Variants in CHD5 observed in about 807,000 individuals in gnomAD.
CHD5 encodes ATP-dependent chromatin remodeler CHD5.
Under a neutral mutation model 230.3 loss-of-function variants are expected in CHD5, and 69 were observed. The ratio of observed to expected loss-of-function variants is 0.30; its 90% confidence interval spans 0.25 to 0.37. CHD5 has a LOEUF of 0.37. CHD5 is among the 10% of genes least tolerant of loss of function. The pLI, the probability that CHD5 is intolerant of heterozygous loss-of-function variation, is 1.00. For missense variants in CHD5, 1,827 were observed against 2,622.8 expected (o/e 0.70, Z 6.63); for synonymous variants, 1,064 against 1,065.9 (o/e 1.00, Z 0.03).
At chr1:6,115,531 C>T (rs1043043942) in intron 33 of CHD5, among the ~76,000 whole-genome samples, 21 of 152,158 alleles carry the variant, frequency 1.4e-4, no homozygotes, top group Non-Finnish European at 1.6e-4. Flanking sequence ...ATGCGAAGCA[C>T]GGGAGGGTTT....
chr1:6,158,046 C>T (rs1667107030), intron 3 of CHD5, among the ~76,000 whole-genome samples: 1 of 152,180 alleles, frequency 6.6e-6, no homozygotes, highest in African/African-American at 2.4e-5. Flanking sequence ...AATCTGTGAC[C>T]AGCCCAAACC....
At chr1:6,157,414 G>A (rs1159701884) in intron 3 of CHD5, among the ~76,000 whole-genome samples, 1 of 152,244 alleles carries the variant, frequency 6.6e-6, no homozygotes, top group Non-Finnish European at 1.5e-5. Context: ...CAGAGGCAGA[G>A]TGAATGATGC....
At position 6,128,029 on chromosome 1, in the gene CHD5, C is replaced by T. The variant is rs199614608; in HGVS notation, c.3903+17G>A. ...GGAGGGCGGGGCTGCGGATGGAGGGCGGGCCGGGGACCTTACCACGCCGTC... is the reference window on the plus strand; with the variant it reads ...GGAGGGCGGGGCTGCGGATGGAGGGTGGGCCGGGGACCTTACCACGCCGTC... On this transcript the variant is annotated intron_variant, in intron 25 of 41. Coordinates refer to ENST00000262450, the MANE Select transcript of CHD5 (RefSeq NM_015557.3). The surrounding 1 kb of genome is among the most constrained non-coding windows in gnomAD (Gnocchi z 7.8). 1,187 of 1,571,622 alleles carry T rather than the reference C, an allele frequency of 7.6e-4. 9 individuals carry two copies. The African/African-American group carries it at 0.015, about 19-fold the overall frequency.
chr1:6,143,627 T>C (rs1666864696), intron 13 of CHD5, among the ~76,000 whole-genome samples, 196 bp downstream of exon 13: 1 of 152,074 alleles, frequency 6.6e-6, no homozygotes, highest in Admixed American at 6.6e-5. Context: ...GAGAGTGGTG[T>C]GTAAGTAGCA....
At chr1:6,124,924 A>G (rs1666530245) in intron 29 of CHD5, among the ~76,000 whole-genome samples, 176 bp downstream of exon 29, 1 of 152,166 alleles carries the variant, frequency 6.6e-6, no homozygotes, top group Non-Finnish European at 1.5e-5. Context: ...AGTGTTTGCA[A>G]ATCAGCCCTG....
At chr1:6,112,843 C>A in intron 34 of CHD5, 66 bp downstream of exon 34, 1 of 1,192,682 alleles carries the variant, frequency 8.4e-7, no homozygotes, top group South Asian at 1.3e-5. Context: ...GGAGGCTGAA[C>A]AGGGTCCAGA....
intron 1 of CHD5, among the ~76,000 whole-genome samples, chr1:6,178,443 C>T (rs1667458313): frequency 1.3e-5 from 2 of 152,260 alleles, no homozygotes; most frequent in Middle Eastern, 6.8e-3. Context: ...AACACCATAA[C>T]AAACAACTTG....
Position 6,146,779 on chromosome 1 carries a change from G to C in CHD5, c.1476C>G (p.Asp492Glu). 2 of 1,601,026 alleles carry C rather than the reference G, an allele frequency of 1.2e-6. No homozygotes were observed. The highest frequency in any genetic ancestry group is 1.7e-6 in the Non-Finnish European group (2 of 1,172,538). Reference protein sequence around the residue: ...APFMVGLPGPDVEPSLPPPKP... With the variant: ...APFMVGLPGPEVEPSLPPPKP... The stretch of plus-strand genomic sequence containing the variant: ...TAGGTGGAGGGAGGCTGGGCTCCAC[G>C]TCAGGCCCCGGCAGCCCCACCATGA... Residue 492 changes from aspartate (D) to glutamate (E), a missense_variant, in exon 10 of 42, where the codon GAC (aspartate) becomes GAG (glutamate). Asp to Glu is a conservative substitution (Grantham distance 45, BLOSUM62 2). Transcript: ENST00000262450. This position sits in a 1 kb window ranked among gnomAD's most constrained non-coding sequence, Gnocchi z 5.1.
At chr1:6,120,419 A>G (rs1271644464) in intron 33 of CHD5, among the ~76,000 whole-genome samples, 2 of 152,008 alleles carry the variant, frequency 1.3e-5, no homozygotes, top group African/African-American at 2.4e-5. Context: ...CTGCAATCCC[A>G]ACACTGTGGG....
At chr1:6,152,667 ATGCCTGAGGCTTGGAGAGGTAAACCCCT>A in intron 5 of CHD5, 131 bp from the exon 6 acceptor site, 1 of 1,456,120 alleles carries the variant, frequency 6.9e-7, no homozygotes, top group Non-Finnish European at 9.2e-7. Context: ...TTCAGATGAG[ATGCCTGAGGCTTGGAGAGGTAAACCCCT>A]TGCTTAAAAT....
intron 11 of CHD5, among the ~76,000 whole-genome samples, chr1:6,145,978 G>A (rs998804261): frequency 6.6e-6 from 1 of 152,164 alleles, no homozygotes; most frequent in African/African-American, 2.4e-5. Flanking sequence ...GTGTGAACAC[G>A]TATGCATGAG....
intron 1 of CHD5, among the ~76,000 whole-genome samples, chr1:6,177,266 A>G (rs1407116795): frequency 6.6e-6 from 1 of 152,122 alleles, no homozygotes; most frequent in Non-Finnish European, 1.5e-5. Flanking sequence ...AGGGCTGCAT[A>G]GGGGCTATGA....
At chr1:6,135,444 C>G in intron 17 of CHD5, 41 bp from the exon 18 acceptor site, 1 of 1,562,946 alleles carries the variant, frequency 6.4e-7, no homozygotes, top group Non-Finnish European at 8.7e-7. Context: ...AGCAGAGGAC[C>G]GGGGCAGGGG....
chr1:6,159,265 T>A, intron 3 of CHD5, 71 bp downstream of exon 3: 1 of 1,531,906 alleles, frequency 6.5e-7, no homozygotes, highest in South Asian at 1.2e-5. Context: ...ACACAGAACA[T>A]ACAGGCAAGA....
At chr1:6,148,698 G>C (rs760432293) in intron 9 of CHD5, among the ~76,000 whole-genome samples, 156 bp downstream of exon 9, 1 of 152,084 alleles carries the variant, frequency 6.6e-6, no homozygotes, top group Admixed American at 6.5e-5. Flanking sequence ...ACGGGGTCTC[G>C]AGCAGCGCGG....
At position 6,112,982 on chromosome 1, in the gene CHD5, C is replaced by T. The variant is rs748920909; in HGVS notation, c.4929G>A (p.Glu1643=). ...CCAGCTTGTCCAGGATCTTCTCCTTCTCAGGAAGCACCTCCTCTGCAAGAA... is the reference window on the plus strand; with the variant it reads ...CCAGCTTGTCCAGGATCTTCTCCTTTTCAGGAAGCACCTCCTCTGCAAGAA... The part of the protein sequence containing the change: ...EQLPREEVLP[E]KEKILDKLEL... The change falls in exon 34 of 42, where the codon GAG becomes GAA. Residue 1643 remains glutamate, a synonymous_variant. Coordinates refer to ENST00000262450, the MANE Select transcript of CHD5 (RefSeq NM_015557.3). 5 of 1,613,588 alleles carry T rather than the reference C, an allele frequency of 3.1e-6. No individual in the cohort carries two copies. The highest frequency in any genetic ancestry group is 3.4e-6 in the Non-Finnish European group (4 of 1,179,598).
chr1:6,154,986 C>T lies in CHD5; in HGVS notation c.507-88G>A. 1 of 1,174,978 alleles carries T rather than the reference C, an allele frequency of 8.5e-7. No individual in the cohort carries two copies. Among genetic ancestry groups the T allele is most frequent in the Non-Finnish European group, 1.2e-6 (1 of 816,992 alleles). 72.8% of individuals were successfully genotyped at this position (1,174,978 alleles called of 1,614,324 possible). A position where few individuals can be genotyped will look rare whatever the true frequency, so the allele number is the denominator to read the frequency against. ...CCCGGCAGGGCCCACCCCTCTGCCA[C>T]ATGTGCGATCTATGGCAGCAGCCCC... On this transcript the variant is annotated intron_variant, in intron 4 of 41. Coordinates refer to ENST00000262450, the MANE Select transcript of CHD5 (RefSeq NM_015557.3). The surrounding 1 kb of genome is among the most constrained non-coding windows in gnomAD (Gnocchi z 7.0).
At position 6,130,000 on chromosome 1, in the gene CHD5, A is replaced by T; in HGVS notation, c.3387+204T>A. 1.7e-6 allele frequency: 1 copy of T among 605,492 alleles called. No homozygotes were observed. The highest frequency in any genetic ancestry group is 2.9e-6 in the Non-Finnish European group (1 of 345,912). The allele number at this position is 605,492 out of a possible 1,614,324, so 37.5% of individuals were successfully genotyped here. ...TCTCCAAGCCTGCTTCCTCCTCTGG[A>T]CAAGGACAGAGCTGGAGGGATGGGG... On this transcript the variant is annotated intron_variant, in intron 22 of 41. Transcript: ENST00000262450. The surrounding 1 kb of genome is among the most constrained non-coding windows in gnomAD (Gnocchi z 6.8).
chr1:6,106,190 G>A, intron 41 of CHD5, 44 bp downstream of exon 41: 2 of 1,563,488 alleles, frequency 1.3e-6, no homozygotes, highest in Non-Finnish European at 1.8e-6. Context: ...TGGTTTGCCA[G>A]CAATGGGGTG....
Sources: gnomAD v4.1 joint callset for allele counts (sites outside exome capture counted in the v4.1 genomes callset) on GRCh38, gnomAD v4.1.1 for gene constraint, Gnocchi (gnomAD v3.1) non-coding constraint, MANE v1.5 for transcripts, NCBI Gene and HGNC (gene_info 2026-07-23, HGNC 2026-07-21) for gene names.